The following LRCOL1 variants were observed in gnomAD, a reference collection of about 807,000 sequenced individuals.
LRCOL1 encodes the protein leucine-rich colipase-like protein 1.
LRCOL1 carries 21 observed loss-of-function variants against 21.6 expected under a neutral mutation model. That is an observed-to-expected ratio of 0.97 (90% CI 0.69 to 1.40). The LOEUF is 1.40. LRCOL1 is among the 40% of genes most tolerant of loss of function. LRCOL1 has a pLI of 0.00. For synonymous variants in LRCOL1, 98 were observed against 90.1 expected (o/e 1.09, Z -0.49); for missense variants, 198 against 202.3 (o/e 0.98, Z 0.13).
chr12:132,604,135 T>C, intron 5 of LRCOL1, 119 bp downstream of exon 5: 1 of 1,443,074 alleles, frequency 6.9e-7, no homozygotes, highest in Non-Finnish European at 9.1e-7. Flanking sequence ...CAGGGGTGCC[T>C]GGGTGCTCAG....
Position 132,606,108 on chromosome 12 carries a change from G to A in LRCOL1, c.105+39C>T. The A allele has an allele frequency of 6.5e-7, 1 of 1,531,468 alleles. No homozygotes were observed. The highest frequency in any genetic ancestry group is 8.7e-7 in the Non-Finnish European group (1 of 1,142,908). 94.9% of individuals were successfully genotyped at this position (1,531,468 alleles called of 1,614,324 possible). A position where few individuals can be genotyped will look rare whatever the true frequency, so the allele number is the denominator to read the frequency against. ...GCCCGGCACCCACCTTATGGCGCGT[G>A]TGGGGCCTGCAGGGGCATCAGGGGT... On this transcript the variant is annotated intron_variant, in intron 2 of 5. Transcript: ENST00000376608. The surrounding 1 kb of genome is among the most constrained non-coding windows in gnomAD (Gnocchi z 4.6).
chr12:132,605,821 C>T (rs188163970), intron 2 of LRCOL1: 32 of 342,178 alleles, frequency 9.4e-5, no homozygotes, highest in East Asian at 2.0e-4. Flanking sequence ...AACAGAAGTG[C>T]ACACTGGTGC....
chr12:132,608,533 TAGTA>T (rs1266053949), intron 1 of LRCOL1, among the ~76,000 whole-genome samples: 1 of 152,192 alleles, frequency 6.6e-6, no homozygotes, highest in Non-Finnish European at 1.5e-5. Context: ...CAGGCAAACT[TAGTA>T]AGCCCTGTTT....
Position 132,604,178 on chromosome 12 carries a change from G to C in LRCOL1, c.477+76C>G, listed in dbSNP as rs190875797. On this transcript the variant is annotated intron_variant, in intron 5 of 5. Transcript: ENST00000376608. ...CTCTCACAGCCGCGGTCCCGGTCCAGTTGCTGTGTTTCTGTGCGACTTCCC... is the reference window on the plus strand; with the variant it reads ...CTCTCACAGCCGCGGTCCCGGTCCACTTGCTGTGTTTCTGTGCGACTTCCC... 813 of 1,473,512 alleles carry C rather than the reference G, an allele frequency of 5.5e-4. 4 individuals carry two copies. The African/African-American group carries it at 9.4e-3, about 17-fold the overall frequency. 91.3% of individuals were successfully genotyped at this position (1,473,512 alleles called of 1,614,324 possible). A position where few individuals can be genotyped will look rare whatever the true frequency, so the allele number is the denominator to read the frequency against.
At chr12:132,610,040 G>GT (rs2041353747) in intron 1 of LRCOL1, among the ~76,000 whole-genome samples, 1 of 152,228 alleles carries the variant, frequency 6.6e-6, no homozygotes, top group Admixed American at 6.5e-5. Context: ...TGTTTTGAGC[G>GT]TAAGACCCTG....
chr12:132,604,141 C>A, intron 5 of LRCOL1, 113 bp downstream of exon 5: 1 of 1,448,732 alleles, frequency 6.9e-7, no homozygotes, highest in Non-Finnish European at 9.1e-7. Context: ...TGCCTGGGTG[C>A]TCAGAGCCCA....
In LRCOL1 at chr12:132,606,967, C is replaced by A. The variant is rs1465201997; in HGVS notation, c.-13-703G>T. The stretch of plus-strand genomic sequence containing the variant: ...AGACTTTTCCCAGCGGACAGTGGTT[C>A]CCCTGATGAATTTGAACGTGAGCAC... On this transcript the variant is annotated intron_variant, in intron 1 of 5. Coordinates refer to ENST00000376608, the MANE Select transcript of LRCOL1 (RefSeq NM_001195520.2). The surrounding 1 kb of genome is among the most constrained non-coding windows in gnomAD (Gnocchi z 4.6). 6.6e-6 allele frequency among the ~76,000 whole-genome samples: 1 copy of A among 152,200 alleles called. No homozygotes were observed. The highest frequency in any genetic ancestry group is 2.4e-5 in the African/African-American group (1 of 41,454).
At chr12:132,604,637 T>C in intron 3 of LRCOL1, 53 bp from the exon 4 acceptor site, 1 of 1,526,354 alleles carries the variant, frequency 6.6e-7, no homozygotes, top group South Asian at 1.2e-5. Flanking sequence ...TCCCTGGCTC[T>C]TCAGGGGCAG....
chr12:132,603,919 C>G (rs1048630062), intron 5 of LRCOL1: 39 of 1,217,498 alleles, frequency 3.2e-5, no homozygotes, highest in Admixed American at 4.2e-5. Flanking sequence ...GCTGGTGAGG[C>G]TGTTCCCTCT....
Position 132,609,094 on chromosome 12 carries a change from G to A in LRCOL1, c.-14+1229C>T, listed in dbSNP as rs2041346669. ...CGAATGTGATATGTACGCACAATGG[G>A]ACGTCAGTGGTCCCAGAAATGGAAG... On this transcript the variant is annotated intron_variant, in intron 1 of 5. Coordinates refer to ENST00000376608, the MANE Select transcript of LRCOL1 (RefSeq NM_001195520.2). Among the ~76,000 whole-genome samples, 3 of 152,200 alleles carry A rather than the reference G, an allele frequency of 2.0e-5. No individual in the cohort carries two copies. The South Asian group carries it at 6.2e-4, about 31-fold the overall frequency.
rs11146964 is a variant in LRCOL1 at position 132,604,839 on chromosome 12, A to T, written c.106-8T>A. ...GCATGGCTCCCCGATGCCCTGAAACACCACTCACCAGCTCGCTCACCTGTT... is the reference window on the plus strand; with the variant it reads ...GCATGGCTCCCCGATGCCCTGAAACTCCACTCACCAGCTCGCTCACCTGTT... On this transcript the variant is annotated splice_region_variant and splice_polypyrimidine_tract_variant and intron_variant, in intron 2 of 5. Coordinates refer to ENST00000376608, the MANE Select transcript of LRCOL1 (RefSeq NM_001195520.2). The T allele has an allele frequency of 1.3e-6, 2 of 1,535,592 alleles. No homozygotes were observed. Among genetic ancestry groups the T allele is most frequent in the Non-Finnish European group, 1.7e-6 (2 of 1,146,598 alleles).
At chr12:132,605,837 C>G (rs2041300495) in intron 2 of LRCOL1, 1 of 399,406 alleles carries the variant, frequency 2.5e-6, no homozygotes, top group Non-Finnish European at 4.4e-6. Context: ...GGTGCAGCTC[C>G]CATGTGGCCC....
Position 132,603,407 on chromosome 12 carries a change from G to A in LRCOL1, c.478-3C>T. ...CGCCCAGGTTCGAGCTCACATCACT[G>A]AAGGAGAAGCCAAAGCTGAGGAAAC... On this transcript the variant is annotated splice_region_variant and splice_polypyrimidine_tract_variant and intron_variant, in intron 5 of 5. Coordinates refer to ENST00000376608, the MANE Select transcript of LRCOL1 (RefSeq NM_001195520.2). The A allele has an allele frequency of 6.5e-7, 1 of 1,536,214 alleles. No homozygotes were observed.
Position 132,603,227 on chromosome 12 carries a change from C to A in LRCOL1, c.*175G>T. On this transcript the variant is annotated 3_prime_UTR_variant, in exon 6 of 6. Coordinates refer to ENST00000376608, the MANE Select transcript of LRCOL1 (RefSeq NM_001195520.2). Reference sequence around the variant, plus strand: ...TGCCTGGGATTTGTTCTCACAGACACTTCGCGCCACCAGGCTGGTCACAGC... The same window carrying A: ...TGCCTGGGATTTGTTCTCACAGACAATTCGCGCCACCAGGCTGGTCACAGC... The A allele has an allele frequency of 1.1e-6, 1 of 951,634 alleles. No homozygotes were observed. The highest frequency in any genetic ancestry group is 1.7e-5 in the South Asian group (1 of 59,446). The allele number at this position is 951,634 out of a possible 1,614,324, so 58.9% of individuals were successfully genotyped here.
chr12:132,605,052 G>T (rs1301798819), intron 2 of LRCOL1: 9 of 1,383,086 alleles, frequency 6.5e-6, no homozygotes, highest in Non-Finnish European at 8.4e-6. Context: ...GAGCCACGTG[G>T]AAGAGGGTAA....
Position 132,605,132 on chromosome 12 carries a change from G to A in LRCOL1, c.106-301C>T, listed in dbSNP as rs2041288333. 4 of 1,177,020 alleles carry A rather than the reference G, an allele frequency of 3.4e-6. No homozygotes were observed. The African/African-American group carries it at 4.7e-5, about 14-fold the overall frequency. The allele number at this position is 1,177,020 out of a possible 1,614,324, so 72.9% of individuals were successfully genotyped here. A position where few individuals can be genotyped will look rare whatever the true frequency, so the allele number is the denominator to read the frequency against. On this transcript the variant is annotated intron_variant, in intron 2 of 5. Transcript: ENST00000376608. ...AGCTCTCAGGCCAGCCCAGTGCCTG[G>A]CATTTTACAGGAGAAGAAACAGGCT...
At chr12:132,608,223 C>T (rs965745732) in intron 1 of LRCOL1, among the ~76,000 whole-genome samples, 2 of 152,166 alleles carry the variant, frequency 1.3e-5, no homozygotes, top group African/African-American at 4.8e-5. Context: ...AATATGGATG[C>T]CCACCTCCCC....
intron 4 of LRCOL1, 38 bp from the exon 5 acceptor site, chr12:132,604,414 T>C (rs2138301311): frequency 1.3e-6 from 2 of 1,533,538 alleles, no homozygotes; most frequent in African/African-American, 1.4e-5. Context: ...GGAGAGGGGC[T>C]GTCTCCGGCT....
At position 132,604,691 on chromosome 12, in the gene LRCOL1, CT is replaced by C; in HGVS notation, c.231+14del. The C allele has an allele frequency of 2.0e-6, 3 of 1,534,526 alleles. No homozygotes were observed. Among genetic ancestry groups the C allele is most frequent in the Non-Finnish European group, 2.6e-6 (3 of 1,145,898 alleles). ...CAGTCTCGCTCCTCCACCCCCGCCC[CT>C]GCACGCACCTCACCTTCCTCCAGGG... On this transcript the variant is annotated intron_variant, in intron 3 of 5. Transcript: ENST00000376608.
Sources: gnomAD v4.1 joint callset for allele counts (sites outside exome capture counted in the v4.1 genomes callset) on GRCh38, gnomAD v4.1.1 for gene constraint, Gnocchi (gnomAD v3.1) non-coding constraint, MANE v1.5 for transcripts, NCBI Gene and HGNC (gene_info 2026-07-23, HGNC 2026-07-21) for gene names.